Variants in GRID2 observed in about 807,000 individuals in gnomAD.
GRID2 encodes glutamate receptor ionotropic, delta-2.
Under a neutral mutation model 114.8 loss-of-function variants are expected in GRID2, and 33 were observed. The observed-to-expected ratio is 0.29, with a 90% CI of 0.22 to 0.38. The LOEUF (loss-of-function observed/expected upper bound fraction) is 0.38. GRID2 is among the 10% of genes least tolerant of loss of function. The pLI, the probability that GRID2 is intolerant of heterozygous loss-of-function variation, is 1.00. For synonymous variants in GRID2, 505 were observed against 449.9 expected, an observed-to-expected ratio of 1.12 and a Z score of -1.55; for missense variants, 1,184 against 1,257.7, an observed-to-expected ratio of 0.94 and a Z score of 0.89.
chr4:92,725,934 T>G (rs948389235), intron 2 of GRID2, among the ~76,000 whole-genome samples: 3 of 152,012 alleles, frequency 2.0e-5, no homozygotes, highest in African/African-American at 7.2e-5. Flanking sequence ...AAATGAAGAA[T>G]AAATTGTAAG....
At chr4:92,431,290 T>C (rs1732429622) in intron 1 of GRID2, among the ~76,000 whole-genome samples, 1 of 152,132 alleles carries the variant, frequency 6.6e-6, no homozygotes, top group Admixed American at 6.6e-5. Flanking sequence ...CTATCCCCAG[T>C]TTTTTGATGG....
At chr4:92,757,807 C>T (rs1335632213) in intron 2 of GRID2, among the ~76,000 whole-genome samples, 2 of 151,174 alleles carry the variant, frequency 1.3e-5, no homozygotes, top group African/African-American at 2.4e-5. Context: ...AGCAGGGAGC[C>T]GTCTACATAA....
At chr4:92,701,783 T>C (rs1039213862) in intron 2 of GRID2, among the ~76,000 whole-genome samples, 2 of 152,152 alleles carry the variant, frequency 1.3e-5, no homozygotes, top group Non-Finnish European at 2.9e-5. Flanking sequence ...CAATTCCATG[T>C]TTCCTCCTAG....
At chr4:92,625,081 T>C (rs1011596909) in intron 2 of GRID2, among the ~76,000 whole-genome samples, 4 of 151,800 alleles carry the variant, frequency 2.6e-5, no homozygotes, top group Non-Finnish European at 4.4e-5. Flanking sequence ...AAGTATATTT[T>C]TGTTTAATGT....
chr4:92,658,874 G>T (rs1732385418), intron 2 of GRID2, among the ~76,000 whole-genome samples: 1 of 133,656 alleles, frequency 7.5e-6, no homozygotes, highest in Non-Finnish European at 1.7e-5. Context: ...TATTATATGT[G>T]TATATATATA....
intron 2 of GRID2, among the ~76,000 whole-genome samples, chr4:92,993,680 C>T (rs187495789): frequency 6.6e-6 from 1 of 152,246 alleles, no homozygotes; most frequent in Non-Finnish European, 1.5e-5. Flanking sequence ...ACATAGATCT[C>T]AGGTCACTGA....
chr4:92,960,987 C>G (rs1482494135), intron 2 of GRID2, among the ~76,000 whole-genome samples: 1 of 151,786 alleles, frequency 6.6e-6, no homozygotes, highest in Non-Finnish European at 1.5e-5. Context: ...AATCCAAGTC[C>G]ACCTTCAAGT....
intron 2 of GRID2, among the ~76,000 whole-genome samples, chr4:93,020,388 CCTG>C (rs2149244652): frequency 6.6e-6 from 1 of 152,008 alleles, no homozygotes; most frequent in South Asian, 2.1e-4. Context: ...GCAAAGAAAT[CCTG>C]CTGTTCATAT....
chr4:92,621,654 A>G (rs1730281780), intron 2 of GRID2, among the ~76,000 whole-genome samples: 1 of 151,778 alleles, frequency 6.6e-6, no homozygotes, highest in Non-Finnish European at 1.5e-5. Context: ...GCGAGACATC[A>G]TCTCTTAAAA....
At chr4:93,375,047 T>C (rs1763244802) in intron 8 of GRID2, among the ~76,000 whole-genome samples, 1 of 152,086 alleles carries the variant, frequency 6.6e-6, no homozygotes, top group Admixed American at 6.6e-5. Flanking sequence ...GACCAGGGAA[T>C]GGCATTCCAA....
At chr4:92,918,946 C>T (rs1749060065) in intron 2 of GRID2, among the ~76,000 whole-genome samples, 1 of 152,090 alleles carries the variant, frequency 6.6e-6, no homozygotes, top group South Asian at 2.1e-4. Context: ...CTCCTTGTAC[C>T]TCTGGTAGAA....
At position 92,593,037 on chromosome 4, in the gene GRID2, G is replaced by C. The variant is rs145779920; in HGVS notation, c.244+2751G>C. On this transcript the variant is annotated intron_variant, in intron 2 of 15. Transcript: ENST00000282020. ...TATTGAGAGGGACTAACATCACCTTGTCTGTTTTCATTTTTTTACAGTCTA... is the reference window on the plus strand; with the variant it reads ...TATTGAGAGGGACTAACATCACCTTCTCTGTTTTCATTTTTTTACAGTCTA... Among the ~76,000 whole-genome samples the C allele has an allele frequency of 9.9e-5, 15 of 151,876 alleles. No homozygotes were observed. In the East Asian group the frequency reaches 2.9e-3, roughly 29 times the overall value.
chr4:92,688,037 C>CTTTTTTTTTTTTTTTTTTTTT (rs760605020), intron 2 of GRID2, among the ~76,000 whole-genome samples: 17 of 44,668 alleles, frequency 3.8e-4, no homozygotes, highest in Admixed American at 6.2e-4. Flanking sequence ...CCTTCTTCTT[C>CTTTTTTTTTTTTTTTTTTTTT]TTTTTTTTTT....
At chr4:92,489,638 G>A (rs1723058466) in intron 1 of GRID2, among the ~76,000 whole-genome samples, 1 of 152,076 alleles carries the variant, frequency 6.6e-6, no homozygotes, top group Non-Finnish European at 1.5e-5. Context: ...CTGGGGTCAG[G>A]AGTTCAAGAC....
At chr4:93,307,928 ATTTC>A (rs1337013764) in intron 8 of GRID2, among the ~76,000 whole-genome samples, 1 of 149,352 alleles carries the variant, frequency 6.7e-6, no homozygotes, top group Non-Finnish European at 1.5e-5. Context: ...TATTGTATTA[ATTTC>A]TTTCTGATTT....
intron 2 of GRID2, among the ~76,000 whole-genome samples, chr4:92,764,988 T>G (rs1738190183): frequency 6.6e-6 from 1 of 152,216 alleles, no homozygotes; most frequent in South Asian, 2.1e-4. Flanking sequence ...ACCACCATAA[T>G]AACTCATTCC....
At chr4:92,571,741 A>T (rs1442829889) in intron 1 of GRID2, among the ~76,000 whole-genome samples, 1 of 151,946 alleles carries the variant, frequency 6.6e-6, no homozygotes, top group Non-Finnish European at 1.5e-5. Flanking sequence ...ACTCAAAACC[A>T]CTCAACTACA....
intron 8 of GRID2, among the ~76,000 whole-genome samples, chr4:93,321,641 T>C (rs1181476854): frequency 1.3e-5 from 2 of 152,072 alleles, no homozygotes; most frequent in African/African-American, 2.4e-5. Context: ...TATTCTTACC[T>C]CACACAGTTG....
chr4:93,223,352 T>C (rs1031388719), intron 6 of GRID2, among the ~76,000 whole-genome samples: 7 of 152,108 alleles, frequency 4.6e-5, no homozygotes, highest in African/African-American at 1.7e-4. Context: ...ATTATACATA[T>C]AAAATGATAT....
Sources: allele counts gnomAD v4.1 joint callset (sites outside exome capture counted in the v4.1 genomes callset), GRCh38; gene constraint gnomAD v4.1.1; transcripts MANE v1.5; gene names NCBI Gene and HGNC (gene_info 2026-07-23, HGNC 2026-07-21).